The following KDM4B variants were observed in gnomAD, a reference collection of about 807,000 sequenced individuals.
KDM4B encodes lysine demethylase 4B.
A neutral mutation model predicts 125.2 loss-of-function variants in KDM4B; 32 were observed. The observed-to-expected ratio is 0.26, with a 90% confidence interval of 0.19 to 0.34. The LOEUF is 0.34. Among genes scored for constraint, KDM4B ranks in the 10% least tolerant of loss-of-function variants. The probability of loss-of-function intolerance (pLI) is 1.00; values close to 1 mark genes in which losing one functional copy is unlikely to be tolerated. For missense variants in KDM4B, 1,190 were observed against 1,577.7 expected (o/e 0.75, Z 4.16); for synonymous variants, 721 against 677.9 (o/e 1.06, Z -0.99).
At chr19:4,980,104 CA>C (rs75652734) in intron 1 of KDM4B, among the ~76,000 whole-genome samples, 57,611 of 147,752 alleles carry the variant, frequency 0.39, 11,938 homozygotes, top group East Asian at 0.73. Flanking sequence ...GACCTTTTCT[CA>C]AAAAAAAAAA....
intron 9 of KDM4B, among the ~76,000 whole-genome samples, chr19:5,100,599 T>G (rs765866764): frequency 6.6e-6 from 1 of 152,126 alleles, no homozygotes; most frequent in Non-Finnish European, 1.5e-5. Context: ...GCTAATTTTT[T>G]GTAGAGATGG....
chr19:5,148,565 G>A (rs1473355312), intron 21 of KDM4B, among the ~76,000 whole-genome samples: 2 of 152,208 alleles, frequency 1.3e-5, no homozygotes, highest in African/African-American at 4.8e-5. Context: ...CCGAGAGGCC[G>A]AGTCGGGGCC....
At chr19:5,021,459 G>T (rs1395079773) in intron 2 of KDM4B, among the ~76,000 whole-genome samples, 2 of 152,048 alleles carry the variant, frequency 1.3e-5, no homozygotes, top group Non-Finnish European at 2.9e-5. Context: ...ACTGGGTGTG[G>T]TGGCATGTAC....
intron 1 of KDM4B, among the ~76,000 whole-genome samples, chr19:4,972,709 G>A (rs183589611): frequency 4.1e-4 from 63 of 152,340 alleles, no homozygotes; most frequent in Non-Finnish European, 7.6e-4. Context: ...ATGGGCCTCA[G>A]CTCCCTTTCT....
At chr19:4,984,328 G>A (rs1434089986) in intron 1 of KDM4B, among the ~76,000 whole-genome samples, 2 of 152,186 alleles carry the variant, frequency 1.3e-5, no homozygotes, top group Admixed American at 1.3e-4. Flanking sequence ...TCCATTCCAA[G>A]ACAGCTTAGG....
intron 11 of KDM4B, among the ~76,000 whole-genome samples, chr19:5,129,601 A>G (rs1414738105): frequency 6.6e-6 from 1 of 152,090 alleles, no homozygotes; most frequent in East Asian, 1.9e-4. Flanking sequence ...AGGTGGTGAA[A>G]TGTTAGCAGT....
chr19:5,014,975 A>G (rs1037665092), intron 1 of KDM4B, among the ~76,000 whole-genome samples: 7 of 151,094 alleles, frequency 4.6e-5, no homozygotes, highest in Non-Finnish European at 1.0e-4. Context: ...AGCCTGGGTG[A>G]CAGAGCGAGA....
chr19:5,062,396 A>G (rs2037631370), intron 6 of KDM4B, among the ~76,000 whole-genome samples: 2 of 152,202 alleles, frequency 1.3e-5, no homozygotes, highest in African/African-American at 4.8e-5. Context: ...CGACTACGTG[A>G]TGAGCTCTGG....
Position 5,081,033 on chromosome 19 carries a change from G to A in KDM4B, c.781-1334G>A, listed in dbSNP as rs2038277401. The A allele has an allele frequency of 6.6e-6, 1 of 152,264 alleles. No homozygotes were observed. Among genetic ancestry groups the A allele is most frequent in the Non-Finnish European group, 1.5e-5 (1 of 68,068 alleles). The allele number at this position is 152,264 out of a possible 1,614,324, so 9.4% of individuals were successfully genotyped here. A position where few individuals can be genotyped will look rare whatever the true frequency, so the allele number is the denominator to read the frequency against. ...CTGAGAGCGCGTGCGTGGTTCGGTG[G>A]GGATGGCCTGGTAGAGGGCTGGTAG... On this transcript the variant is annotated intron_variant, in intron 8 of 22. Coordinates refer to ENST00000159111, the MANE Select transcript of KDM4B (RefSeq NM_015015.3). The surrounding 1 kb of genome is among the most constrained non-coding windows in gnomAD (Gnocchi z 4.2).
In KDM4B at chr19:5,054,462, ATGTGTGTG is replaced by A. The variant is rs3070257; in HGVS notation, c.626+6814_626+6821del. 3.3e-4 allele frequency among the ~76,000 whole-genome samples: 50 copies of A among 150,588 alleles called. 1 individual carries two copies. The highest frequency in any genetic ancestry group is 8.4e-4 in the South Asian group (4 of 4,772). ...TGCTGAGTCCCCTGAGAGAGAGAGA[ATGTGTGTG>A]TGTGTGTGTGTGTGTGTGTGCGCGC... is the stretch of plus-strand genomic sequence containing the variant. On this transcript the variant is annotated intron_variant, in intron 6 of 22. Coordinates refer to ENST00000159111, the MANE Select transcript of KDM4B (RefSeq NM_015015.3).
chr19:5,116,856 G>A (rs1438421099), intron 10 of KDM4B, among the ~76,000 whole-genome samples: 1 of 152,190 alleles, frequency 6.6e-6, no homozygotes, highest in Non-Finnish European at 1.5e-5. Context: ...GGAGAGAAGG[G>A]GACGGTCATG....
intron 6 of KDM4B, among the ~76,000 whole-genome samples, chr19:5,060,433 C>CAAAAAAAAAAAAAAAAAAAAAAAAAAAA (rs901472663): frequency 6.1e-5 from 2 of 32,978 alleles, no homozygotes; most frequent in Non-Finnish European, 6.5e-5. Flanking sequence ...ACTCTGTCTC[C>CAAAAAAAAAAAAAAAAAAAAAAAAAAAA]AAAAAAAAAA....
At chr19:4,988,954 G>A (rs535879921) in intron 1 of KDM4B, among the ~76,000 whole-genome samples, 1 of 152,352 alleles carries the variant, frequency 6.6e-6, no homozygotes, top group East Asian at 1.9e-4. Flanking sequence ...AGCTCCCGAG[G>A]GGCTGCCAAG....
intron 1 of KDM4B, among the ~76,000 whole-genome samples, chr19:5,010,928 G>A (rs1037470455): frequency 1.1e-4 from 17 of 152,186 alleles, no homozygotes; most frequent in Non-Finnish European, 2.4e-4. Context: ...GATTACAGGC[G>A]TGAGCCACTG....
intron 6 of KDM4B, among the ~76,000 whole-genome samples, chr19:5,060,774 CA>C (rs1250469066): frequency 2.6e-5 from 4 of 152,338 alleles, no homozygotes; most frequent in African/African-American, 9.6e-5. Flanking sequence ...GCCGCTGTGT[CA>C]CTGGGCACCT....
chr19:5,150,557 C>G, intron 22 of KDM4B, 107 bp downstream of exon 22: 1 of 757,692 alleles, frequency 1.3e-6, no homozygotes, highest in Non-Finnish European at 2.1e-6. Flanking sequence ...ACCCCCTCCT[C>G]TTGCACCTCT....
At position 5,114,574 on chromosome 19, in the gene KDM4B, CCTGT is replaced by C. The variant is rs1423361958; in HGVS notation, c.1115+3759_1115+3762del. The C allele has an allele frequency of 1.8e-5, 6 of 337,034 alleles. No individual in the cohort carries two copies. The highest frequency in any genetic ancestry group is 3.5e-5 in the Non-Finnish European group (6 of 169,928). The allele number at this position is 337,034 out of a possible 1,614,324, so 20.9% of individuals were successfully genotyped here. A position where few individuals can be genotyped will look rare whatever the true frequency, so the allele number is the denominator to read the frequency against. On this transcript the variant is annotated intron_variant, in intron 10 of 22. Transcript: ENST00000159111. The surrounding 1 kb of genome is among the most constrained non-coding windows in gnomAD (Gnocchi z 5.8). ...AGCCTCAGGGACTCACTTGCTGTCT[CCTGT>C]CTCTTTCCTAGAGCTGCCCTTCATT...
intron 21 of KDM4B, among the ~76,000 whole-genome samples, chr19:5,146,953 A>AAAC (rs1568327629): frequency 6.6e-6 from 1 of 150,540 alleles, no homozygotes; most frequent in African/African-American, 2.4e-5. Context: ...AAAAAAAAAA[A>AAAC]AAAAAAAAAC....
chr19:5,058,492 TA>T (rs960766454), intron 6 of KDM4B, among the ~76,000 whole-genome samples: 4 of 152,104 alleles, frequency 2.6e-5, no homozygotes, highest in Non-Finnish European at 5.9e-5. Flanking sequence ...AGAAGCTTCC[TA>T]AGCAGGGGAG....
Sources: gnomAD v4.1 joint callset for allele counts (sites outside exome capture counted in the v4.1 genomes callset) on GRCh38, gnomAD v4.1.1 for gene constraint, Gnocchi (gnomAD v3.1) non-coding constraint, MANE v1.5 for transcripts, NCBI Gene and HGNC (gene_info 2026-07-23, HGNC 2026-07-21) for gene names.